The following KHDRBS2 variants were observed in gnomAD, a reference collection of about 807,000 sequenced individuals.
KHDRBS2 encodes KH domain-containing, RNA-binding, signal transduction-associated protein 2.
A neutral mutation model predicts 44.3 loss-of-function variants in KHDRBS2; 26 were observed. The ratio of observed to expected loss-of-function variants is 0.59; its 90% confidence interval spans 0.43 to 0.81. The LOEUF (loss-of-function observed/expected upper bound fraction) is 0.81. KHDRBS2 is among the 40% of genes least tolerant of loss of function. The probability of loss-of-function intolerance (pLI) is 0.00; values close to 1 mark genes in which losing one functional copy is unlikely to be tolerated. For missense variants in KHDRBS2, 476 were observed against 433.1 expected, an observed-to-expected ratio of 1.10 and a Z score of -0.88; for synonymous variants, 194 against 151.1, an observed-to-expected ratio of 1.28 and a Z score of -2.08.
intron 8 of KHDRBS2, among the ~76,000 whole-genome samples, chr6:61,695,399 T>C (rs115591728): frequency 0.012 from 1,895 of 152,316 alleles, 31 homozygotes; most frequent in African/African-American, 0.043. Flanking sequence ...TCTTATCTGT[T>C]TCCCATCCTT....
chr6:61,982,391 G>A (rs1017785765), intron 3 of KHDRBS2, among the ~76,000 whole-genome samples: 1 of 152,066 alleles, frequency 6.6e-6, no homozygotes, highest in Admixed American at 6.6e-5. Flanking sequence ...AAGAAAAGGG[G>A]CCGGGCGCGG....
intron 3 of KHDRBS2, among the ~76,000 whole-genome samples, chr6:62,041,323 C>T (rs1036991926): frequency 3.3e-5 from 5 of 151,950 alleles, no homozygotes; most frequent in African/African-American, 4.8e-5. Flanking sequence ...AAGAATGAGA[C>T]TCCGTCTCAA....
intron 1 of KHDRBS2, among the ~76,000 whole-genome samples, chr6:62,228,030 G>C (rs1832220137): frequency 6.6e-6 from 1 of 152,086 alleles, no homozygotes; most frequent in African/African-American, 2.4e-5. Context: ...AATAATGCTG[G>C]CCTCATGAAA....
intron 4 of KHDRBS2, among the ~76,000 whole-genome samples, chr6:61,927,759 C>A (rs1296261345): frequency 1.3e-5 from 2 of 152,028 alleles, no homozygotes; most frequent in Non-Finnish European, 2.9e-5. Flanking sequence ...TGCTGTAATG[C>A]ATAATACCAT....
chr6:61,618,355 A>C, the KHDRBS2 span, among the ~76,000 whole-genome samples: 1 of 152,148 alleles, frequency 6.6e-6, no homozygotes, highest in Non-Finnish European at 1.5e-5. Context: ...CCAATTTTAG[A>C]TTGATTATAA....
chr6:61,846,022 CCTCT>C (rs1258969166), intron 6 of KHDRBS2, among the ~76,000 whole-genome samples: 3 of 151,952 alleles, frequency 2.0e-5, no homozygotes, highest in East Asian at 3.9e-4. Context: ...GTGTGTGGCA[CCTCT>C]CTCTCTCCTC....
chr6:61,602,230 G>T, the KHDRBS2 span, among the ~76,000 whole-genome samples: 1 of 152,178 alleles, frequency 6.6e-6, no homozygotes, highest in South Asian at 2.1e-4. Context: ...AGGCACCCAA[G>T]TAGCAATGTA....
intron 7 of KHDRBS2, among the ~76,000 whole-genome samples, chr6:61,704,835 A>T (rs1053457855): frequency 6.6e-6 from 1 of 151,804 alleles, no homozygotes; most frequent in African/African-American, 2.4e-5. Flanking sequence ...TTCACAATTG[A>T]TCTCTGCTTT....
At chr6:62,100,657 A>G (rs1801655821) in intron 2 of KHDRBS2, among the ~76,000 whole-genome samples, 1 of 152,230 alleles carries the variant, frequency 6.6e-6, no homozygotes, top group Non-Finnish European at 1.5e-5. Flanking sequence ...GACTCACTGA[A>G]GGTTCAGGAA....
At chr6:61,719,120 T>A (rs1354123156) in intron 7 of KHDRBS2, among the ~76,000 whole-genome samples, 1 of 152,182 alleles carries the variant, frequency 6.6e-6, no homozygotes, top group Non-Finnish European at 1.5e-5. Flanking sequence ...CCTGATACAT[T>A]ATTTAAGAAA....
chr6:62,285,542 C>A (rs1418696652), intron 1 of KHDRBS2, among the ~76,000 whole-genome samples: 1 of 152,212 alleles, frequency 6.6e-6, no homozygotes, highest in African/African-American at 2.4e-5. Context: ...CTTCCCTCTG[C>A]GAAGTGAAAA....
At chr6:61,875,273 C>T (rs1799255173) in intron 6 of KHDRBS2, among the ~76,000 whole-genome samples, 1 of 151,746 alleles carries the variant, frequency 6.6e-6, no homozygotes, top group Admixed American at 6.6e-5. Flanking sequence ...TGCGGAAACC[C>T]ATATAATGTT....
At chr6:62,181,881 G>C (rs1822386689) in intron 1 of KHDRBS2, among the ~76,000 whole-genome samples, 1 of 151,978 alleles carries the variant, frequency 6.6e-6, no homozygotes, top group Non-Finnish European at 1.5e-5. Flanking sequence ...TAAGGAGACA[G>C]CTACATGGCA....
rs577915710 is a variant in KHDRBS2 at position 62,246,613 on chromosome 6, A to C, written c.91+39245T>G. Among the ~76,000 whole-genome samples the C allele has an allele frequency of 2.1e-3, 318 of 152,202 alleles. 1 individual carries two copies. Among genetic ancestry groups the C allele is most frequent in the African/African-American group, 7.2e-3 (299 of 41,552 alleles). On this transcript the variant is annotated intron_variant, in intron 1 of 8. Transcript: ENST00000281156. ...TTAATCAAAGTCAACTTTAGGAAGA[A>C]AGACATAGAGCCATTTTCAAATGCT...
intron 2 of KHDRBS2, among the ~76,000 whole-genome samples, chr6:62,171,221 G>A (rs1305636380): frequency 6.6e-6 from 1 of 151,734 alleles, no homozygotes; most frequent in Non-Finnish European, 1.5e-5. Flanking sequence ...AGGAATCTAA[G>A]GAATACAAAA....
At chr6:61,550,823 G>A in the KHDRBS2 span, among the ~76,000 whole-genome samples, 11 of 137,744 alleles carry the variant, frequency 8.0e-5, no homozygotes, top group Non-Finnish European at 1.5e-4. Context: ...ACTCAGGCTG[G>A]AGTGTAGTGC....
chr6:62,076,924 T>C (rs1796454610), intron 2 of KHDRBS2, among the ~76,000 whole-genome samples: 2 of 151,908 alleles, frequency 1.3e-5, no homozygotes, highest in South Asian at 2.1e-4. Flanking sequence ...GGTACACCTG[T>C]AGTCCTAGCT....
At chr6:61,916,543 TG>T (rs1807040806) in intron 4 of KHDRBS2, among the ~76,000 whole-genome samples, 1 of 151,882 alleles carries the variant, frequency 6.6e-6, no homozygotes, top group Admixed American at 6.6e-5. Flanking sequence ...AAGTGAAAAA[TG>T]ATGCAGGATG....
chr6:61,806,577 A>C (rs868311096), intron 6 of KHDRBS2, among the ~76,000 whole-genome samples: 16 of 152,132 alleles, frequency 1.1e-4, no homozygotes, highest in South Asian at 2.1e-4. Flanking sequence ...AAATGAAGCA[A>C]TATAATTACT....
Sources: allele counts gnomAD v4.1 joint callset (sites outside exome capture counted in the v4.1 genomes callset), GRCh38; gene constraint gnomAD v4.1.1; transcripts MANE v1.5; gene names NCBI Gene and HGNC (gene_info 2026-07-23, HGNC 2026-07-21).